The following CEP43 variants were observed in gnomAD, a reference collection of about 807,000 sequenced individuals.
CEP43 encodes centrosomal protein 43, also known as FGFR1 oncogene partner.
In CEP43, 36 loss-of-function variants were observed where a neutral mutation model predicts 52.6. That is an observed-to-expected ratio of 0.68 (90% CI 0.52 to 0.90). The LOEUF is 0.90. CEP43 is among the 40% of genes least tolerant of loss of function. CEP43 has a pLI of 0.00. For synonymous variants in CEP43, 192 were observed against 172.4 expected, an observed-to-expected ratio of 1.11 and a Z score of -0.89; for missense variants, 506 against 472.8, an observed-to-expected ratio of 1.07 and a Z score of -0.65.
In CEP43 at chr6:167,042,204, G is replaced by C; in HGVS notation, c.*2226G>C. ...TCTTTTCACATGTACTTTTTGATTA[G>C]GTATTATCAACTTATGAAACTTGAA... On this transcript the variant is annotated 3_prime_UTR_variant, in exon 13 of 13. Coordinates refer to ENST00000366847, the MANE Select transcript of CEP43 (RefSeq NM_007045.4). 1 of 1,005,282 alleles carries C rather than the reference G, an allele frequency of 9.9e-7. No individual in the cohort carries two copies. The highest frequency in any genetic ancestry group is 4.7e-5 in the South Asian group (1 of 21,382). The allele number at this position is 1,005,282 out of a possible 1,614,324, so 62.3% of individuals were successfully genotyped here.
At chr6:167,001,185 G>C (rs974687913) in intron 2 of CEP43, among the ~76,000 whole-genome samples, 2 of 152,152 alleles carry the variant, frequency 1.3e-5, no homozygotes, top group African/African-American at 4.8e-5. Flanking sequence ...ATGCTTACCT[G>C]TGTCTATGTT....
At chr6:167,010,687 C>G in intron 5 of CEP43, 126 bp from the exon 6 acceptor site, 1 of 481,394 alleles carries the variant, frequency 2.1e-6, no homozygotes, top group Non-Finnish European at 3.6e-6. Flanking sequence ...AGGATGGTTA[C>G]TTTAATAAGA....
intron 7 of CEP43, among the ~76,000 whole-genome samples, chr6:167,021,108 A>G (rs1319778636): frequency 1.3e-5 from 2 of 151,682 alleles, no homozygotes; most frequent in Non-Finnish European, 2.9e-5. Context: ...GGAGTTAATA[A>G]TTTTGGACTA....
intron 6 of CEP43, among the ~76,000 whole-genome samples, chr6:167,012,644 T>C (rs1780010502): frequency 6.6e-6 from 1 of 152,218 alleles, no homozygotes; most frequent in Admixed American, 6.5e-5. Context: ...ATATATAATG[T>C]ATGTCTTCAG....
chr6:167,027,261 C>A (rs949175838), intron 10 of CEP43, among the ~76,000 whole-genome samples: 1 of 152,158 alleles, frequency 6.6e-6, no homozygotes, highest in African/African-American at 2.4e-5. Context: ...GTGAACATTA[C>A]CGAGCCCTGG....
At chr6:167,033,099 CTTTTTTTTTTTTTTTTTT>C (rs71032896) in intron 11 of CEP43, among the ~76,000 whole-genome samples, 2 of 68,298 alleles carry the variant, frequency 2.9e-5, no homozygotes, top group Admixed American at 2.6e-4. Context: ...TTGCCATTCT[CTTTTTTTTTTTTTTTTTT>C]TTTTTTTTTT....
intron 3 of CEP43, 197 bp from the exon 4 acceptor site, chr6:167,003,526 C>T: frequency 3.6e-6 from 2 of 559,776 alleles, no homozygotes; most frequent in South Asian, 5.0e-5. Context: ...CAGTTAGTTA[C>T]AGACTGATGA....
In CEP43 at chr6:167,041,724, T is replaced by G. The variant is rs750186521; in HGVS notation, c.*1746T>G. 9.7e-5 allele frequency: 100 copies of G among 1,034,178 alleles called. No homozygotes were observed. The highest frequency in any genetic ancestry group is 1.2e-4 in the Non-Finnish European group (100 of 859,596). The allele number at this position is 1,034,178 out of a possible 1,614,324, so 64.1% of individuals were successfully genotyped here. On this transcript the variant is annotated 3_prime_UTR_variant, in exon 13 of 13. Transcript: ENST00000366847. ...AACAGTAGCAACTGAAATTTGTCAC[T>G]TTTCTGTTACGCAGAGAATCAGACC... is the stretch of plus-strand genomic sequence containing the variant.
rs539796343 is a variant in CEP43 at position 167,042,307 on chromosome 6, A to G, written c.*2329A>G. 19 of 992,358 alleles carry G rather than the reference A, an allele frequency of 1.9e-5. No individual in the cohort carries two copies. In the East Asian group the frequency reaches 1.4e-3, roughly 73 times the overall value. The allele number at this position is 992,358 out of a possible 1,614,324, so 61.5% of individuals were successfully genotyped here. ...ATATTGAAATATTAACCCATTAAATACATTTTTATGGTAACCTATGTTTTA... is the reference window on the plus strand; with the variant it reads ...ATATTGAAATATTAACCCATTAAATGCATTTTTATGGTAACCTATGTTTTA... On this transcript the variant is annotated 3_prime_UTR_variant, in exon 13 of 13. Transcript: ENST00000366847.
chr6:167,051,628 C>T lies in CEP43; in HGVS notation c.*11650C>T, dbSNP rs1204848847. 1 of 152,324 alleles carries T rather than the reference C, an allele frequency of 6.6e-6. No homozygotes were observed. The highest frequency in any genetic ancestry group is 1.9e-4 in the East Asian group (1 of 5,188). 9.4% of individuals were successfully genotyped at this position (152,324 alleles called of 1,614,324 possible). A position where few individuals can be genotyped will look rare whatever the true frequency, so the allele number is the denominator to read the frequency against. On this transcript the variant is annotated 3_prime_UTR_variant, in exon 13 of 13. Coordinates refer to ENST00000366847, the MANE Select transcript of CEP43 (RefSeq NM_007045.4). Reference sequence around the variant, plus strand: ...TTGGAACTCTGTTGTTAGGTGCATACATATTTATAATTGTTATATCTTCCT... The same window carrying T: ...TTGGAACTCTGTTGTTAGGTGCATATATATTTATAATTGTTATATCTTCCT...
chr6:166,999,439 G>C lies in CEP43; in HGVS notation c.27G>C (p.Val9=). 2 of 1,480,310 alleles carry C rather than the reference G, an allele frequency of 1.4e-6. No homozygotes were observed. Among genetic ancestry groups the C allele is most frequent in the African/African-American group, 2.9e-5 (2 of 68,472 alleles). 91.7% of individuals were successfully genotyped at this position (1,480,310 alleles called of 1,614,324 possible). A position where few individuals can be genotyped will look rare whatever the true frequency, so the allele number is the denominator to read the frequency against. The change falls in exon 1 of 13, where the codon GTG becomes GTC. Residue 9 remains valine, a synonymous_variant. Transcript: ENST00000366847. ...TGGCGGCGACGGCGGCCGCAGTGGT[G>C]GCCGAGGAGGACACGGAGCTGCGGG... The part of the protein sequence containing the change: MAATAAAV[V]AEEDTELRDL...
chr6:167,012,216 G>C (rs904644898), intron 6 of CEP43, among the ~76,000 whole-genome samples: 5 of 152,116 alleles, frequency 3.3e-5, no homozygotes, highest in Non-Finnish European at 5.9e-5. Flanking sequence ...TTTTTTGCTT[G>C]TTCTTTGATG....
At chr6:167,000,550 C>T (rs1779711351) in intron 2 of CEP43, among the ~76,000 whole-genome samples, 1 of 152,206 alleles carries the variant, frequency 6.6e-6, no homozygotes. Context: ...AGTGCAGCCA[C>T]TACTCTATAT....
intron 7 of CEP43, among the ~76,000 whole-genome samples, chr6:167,014,746 AGTAAGTTTTTTTT>A (rs1250515153): frequency 2.0e-5 from 3 of 152,228 alleles, no homozygotes; most frequent in African/African-American, 7.2e-5. Flanking sequence ...ATAATGATTT[AGTAAGTTTTTTTT>A]AACATTTACA....
rs147838580 is a variant in CEP43 at position 167,004,336 on chromosome 6, G to C, written c.373G>C (p.Gly125Arg). 20 of 1,611,096 alleles carry C rather than the reference G, an allele frequency of 1.2e-5. No homozygotes were observed. The highest frequency in any genetic ancestry group is 1.4e-5 in the Non-Finnish European group (17 of 1,178,364). ...AATTGAAGCAGAAGGTACTGTGGGTGGACCCTTATTATTAGAAGTGATCAG... is the reference window on the plus strand; with the variant it reads ...AATTGAAGCAGAAGGTACTGTGGGTCGACCCTTATTATTAGAAGTGATCAG... Reference protein sequence around the residue: ...GIIEAEGTVGGPLLLEVIRRC... With the variant: ...GIIEAEGTVGRPLLLEVIRRC... The change falls in exon 5 of 13, where the codon GGA becomes CGA. Residue 125 changes from glycine (G) to arginine (R), a missense_variant. Physicochemically the swap from Gly to Arg is moderately radical, Grantham distance 125. Coordinates refer to ENST00000366847, the MANE Select transcript of CEP43 (RefSeq NM_007045.4).
At position 167,024,829 on chromosome 6, in the gene CEP43, A is replaced by G. The variant is rs1203334820; in HGVS notation, c.854A>G (p.Asp285Gly). ...KQAGSLASLS[D>G]APPLKSGLSS... ...GCAGGAAGTCTGGCCTCGCTCTCGG[A>G]TGCACCCCCCTTAAAAAGTGGACTC... is the stretch of plus-strand genomic sequence containing the variant. Residue 285 changes from aspartate (D) to glycine (G), a missense_variant, in exon 9 of 13, where the codon GAT becomes GGT. Coordinates refer to ENST00000366847, the MANE Select transcript of CEP43 (RefSeq NM_007045.4). 6.2e-7 allele frequency: 1 copy of G among 1,613,280 alleles called. No homozygotes were observed.
At chr6:167,020,437 G>A (rs9457252) in intron 7 of CEP43, among the ~76,000 whole-genome samples, 53,310 of 152,038 alleles carry the variant, frequency 0.35, 10,455 homozygotes, top group Non-Finnish European at 0.46. Context: ...CCATCCTTCA[G>A]GAGCGTCTTG....
chr6:167,016,461 A>G (rs558748913), intron 7 of CEP43, among the ~76,000 whole-genome samples: 1 of 152,272 alleles, frequency 6.6e-6, no homozygotes, highest in African/African-American at 2.4e-5. Context: ...GGGTCTCACT[A>G]TGGTTGTCCA....
intron 10 of CEP43, chr6:167,028,020 G>C (rs1780390894): frequency 5.9e-5 from 58 of 985,562 alleles, no homozygotes; most frequent in Non-Finnish European, 6.9e-5. Context: ...TCCCTCCCTT[G>C]TGCTTTTCCT....
Sources: allele counts gnomAD v4.1 joint callset (sites outside exome capture counted in the v4.1 genomes callset), GRCh38; gene constraint gnomAD v4.1.1; transcripts MANE v1.5; gene names NCBI Gene and HGNC (gene_info 2026-07-23, HGNC 2026-07-21).